Variants in CTDSPL2 observed in about 807,000 individuals in gnomAD.
CTDSPL2 encodes CTD small phosphatase like 2.
In CTDSPL2, 5 loss-of-function variants were observed where a neutral mutation model predicts 60.0. The observed-to-expected ratio is 0.08, with a 90% CI of 0.04 to 0.18. The LOEUF (loss-of-function observed/expected upper bound fraction) is 0.18. Ranked by LOEUF, CTDSPL2 falls within the 10% of genes least tolerant of loss-of-function variation. The probability of loss-of-function intolerance (pLI) is 1.00; values close to 1 mark genes in which losing one functional copy is unlikely to be tolerated. For missense variants in CTDSPL2, 370 were observed against 548.8 expected, an observed-to-expected ratio of 0.67 and a Z score of 3.26; for synonymous variants, 186 against 189.3, an observed-to-expected ratio of 0.98 and a Z score of 0.14.
At chr15:44,501,112 G>T (rs1432939576) in intron 8 of CTDSPL2, among the ~76,000 whole-genome samples, 1 of 152,078 alleles carries the variant, frequency 6.6e-6, no homozygotes, top group Non-Finnish European at 1.5e-5. Context: ...GATGTAAATA[G>T]TATAGTGATA....
chr15:44,439,405 C>T (rs1316966430), intron 1 of CTDSPL2, among the ~76,000 whole-genome samples: 1 of 152,046 alleles, frequency 6.6e-6, no homozygotes, highest in Non-Finnish European at 1.5e-5. Flanking sequence ...CCCCCCCATC[C>T]CCAGCCGGCC....
At chr15:44,429,676 G>A (rs1267313845) in intron 1 of CTDSPL2, among the ~76,000 whole-genome samples, 2 of 152,094 alleles carry the variant, frequency 1.3e-5, no homozygotes, top group African/African-American at 2.4e-5. Flanking sequence ...GAACAGCCTG[G>A]CCAACATAGT....
intron 1 of CTDSPL2, among the ~76,000 whole-genome samples, chr15:44,436,715 C>T (rs2079988585): frequency 1.3e-5 from 2 of 152,122 alleles, no homozygotes; most frequent in South Asian, 2.1e-4. Context: ...TTTTATATAG[C>T]CAACTGTAAA....
At chr15:44,444,486 A>G (rs2080161126) in intron 1 of CTDSPL2, among the ~76,000 whole-genome samples, 2 of 151,996 alleles carry the variant, frequency 1.3e-5, no homozygotes, top group South Asian at 2.1e-4. Context: ...CTGAGACCAC[A>G]GGCACACATC....
intron 2 of CTDSPL2, among the ~76,000 whole-genome samples, chr15:44,462,700 C>CTTTTT (rs554319789): frequency 3.7e-4 from 31 of 83,744 alleles, no homozygotes; most frequent in African/African-American, 8.8e-4. Flanking sequence ...ACACTCAGGA[C>CTTTTT]TTTTTTTTTT....
At chr15:44,501,256 G>A (rs1410047733) in intron 8 of CTDSPL2, among the ~76,000 whole-genome samples, 1 of 151,994 alleles carries the variant, frequency 6.6e-6, no homozygotes, top group East Asian at 1.9e-4. Flanking sequence ...GCTATTAATT[G>A]AAAAATATAG....
chr15:44,478,484 G>T (rs200268068), intron 2 of CTDSPL2, among the ~76,000 whole-genome samples: 6 of 64,488 alleles, frequency 9.3e-5, no homozygotes, highest in East Asian at 4.4e-4. Flanking sequence ...AAAAAAAAAA[G>T]ACTCATGAGA....
chr15:44,489,145 C>G (rs1470652050), intron 4 of CTDSPL2, among the ~76,000 whole-genome samples: 11 of 147,580 alleles, frequency 7.5e-5, no homozygotes, highest in Admixed American at 1.4e-4. Flanking sequence ...CCCTCCCCCC[C>G]ACCTACCTCC....
intron 1 of CTDSPL2, 145 bp from the exon 2 acceptor site, chr15:44,458,846 T>C (rs192183444): frequency 2.7e-4 from 112 of 415,498 alleles, no homozygotes; most frequent in Non-Finnish European, 4.1e-4. Context: ...AAAATGTTGG[T>C]TTCTTACTGC....
intron 1 of CTDSPL2, among the ~76,000 whole-genome samples, chr15:44,436,985 A>G (rs950553804): frequency 3.3e-5 from 5 of 152,162 alleles, no homozygotes; most frequent in African/African-American, 1.2e-4. Flanking sequence ...TAAACATGAA[A>G]TTCATTTATG....
chr15:44,523,824 A>G (rs1451380401), intron 12 of CTDSPL2, among the ~76,000 whole-genome samples: 9 of 152,142 alleles, frequency 5.9e-5, no homozygotes, highest in African/African-American at 2.2e-4. Flanking sequence ...GCTTGAACCC[A>G]GGAGGCAGAA....
rs2080507607 is a variant in CTDSPL2, at chr15:44,459,078, A to G, written c.64A>G (p.Arg22Gly). Residue 22 changes from arginine (R) to glycine (G), a missense_variant, in exon 2 of 13, where the codon AGA (arginine) becomes GGA (glycine). Arg to Gly is a moderately radical substitution (Grantham distance 125). Coordinates refer to ENST00000260327, the MANE Select transcript of CTDSPL2 (RefSeq NM_016396.3). ...SNQIQTQRTA[R>G]AKRKYSEVDD... ...TCAAATCCAAACACAACGCACTGCCAGAGCAAAGAGGAAATATTCAGAGGT... is the reference window on the plus strand; with the variant it reads ...TCAAATCCAAACACAACGCACTGCCGGAGCAAAGAGGAAATATTCAGAGGT... 2 of 1,612,708 alleles carry G rather than the reference A, an allele frequency of 1.2e-6. No homozygotes were observed. Among genetic ancestry groups the G allele is most frequent in the Admixed American group, 1.7e-5 (1 of 59,894 alleles).
At chr15:44,427,836 C>G (rs1028973038) in intron 1 of CTDSPL2, 64 bp downstream of exon 1, 5 of 396,546 alleles carry the variant, frequency 1.3e-5, no homozygotes, top group Admixed American at 4.4e-5. Flanking sequence ...CTTCCAGGGC[C>G]GTCTGCCGGG....
At chr15:44,506,380 A>G (rs1241893417) in intron 8 of CTDSPL2, among the ~76,000 whole-genome samples, 1 of 149,596 alleles carries the variant, frequency 6.7e-6, no homozygotes. Context: ...CACCTATATG[A>G]ATACATTAAG....
intron 1 of CTDSPL2, among the ~76,000 whole-genome samples, chr15:44,431,093 A>G (rs1018751440): frequency 1.9e-4 from 29 of 149,816 alleles, no homozygotes; most frequent in African/African-American, 7.1e-4. Context: ...AAGTGCTGGG[A>G]TTACAGATGT....
At chr15:44,509,550 G>A (rs888379973) in intron 8 of CTDSPL2, among the ~76,000 whole-genome samples, 2 of 152,070 alleles carry the variant, frequency 1.3e-5, no homozygotes, top group Non-Finnish European at 2.9e-5. Flanking sequence ...ACTATTAATA[G>A]CCTTTCAGTA....
At chr15:44,459,476 C>T (rs535800995) in intron 2 of CTDSPL2, among the ~76,000 whole-genome samples, 2 of 152,152 alleles carry the variant, frequency 1.3e-5, no homozygotes, top group South Asian at 4.2e-4. Context: ...TGTAGTGAGC[C>T]GAGATCGCAC....
intron 1 of CTDSPL2, chr15:44,448,425 C>G (rs1378434143): frequency 1.2e-5 from 3 of 241,812 alleles, no homozygotes; most frequent in Non-Finnish European, 1.6e-5. Context: ...GGCCTGGACT[C>G]ATGCATTCCA....
intron 8 of CTDSPL2, among the ~76,000 whole-genome samples, chr15:44,500,565 C>G (rs1050856577): frequency 6.6e-5 from 10 of 152,080 alleles, no homozygotes; most frequent in African/African-American, 2.2e-4. Context: ...GATTGGGAAT[C>G]GAAAAGTTTG....
Sources: allele counts gnomAD v4.1 joint callset (sites outside exome capture counted in the v4.1 genomes callset), GRCh38; gene constraint gnomAD v4.1.1; transcripts MANE v1.5; gene names NCBI Gene and HGNC (gene_info 2026-07-23, HGNC 2026-07-21).